The following MTNR1B variants were observed in gnomAD, a reference collection of about 807,000 sequenced individuals.
MTNR1B encodes melatonin receptor type 1B.
In MTNR1B, 7 loss-of-function variants were observed where a neutral mutation model predicts 7.0. The observed-to-expected ratio is 1.00, with a 90% confidence interval of 0.57 to 1.88. The LOEUF (loss-of-function observed/expected upper bound fraction) is 1.88, where lower values mean the gene tolerates loss of function less well. Among genes scored for constraint, MTNR1B ranks in the 40% most tolerant of loss-of-function variants. The pLI, the probability that MTNR1B is intolerant of heterozygous loss-of-function variation, is 0.00. For missense variants in MTNR1B, 478 were observed against 486.5 expected (o/e 0.98, Z 0.16); for synonymous variants, 226 against 208.2 (o/e 1.09, Z -0.74).
chr11:92,969,772 G>GGGCAGTGCGCCCGGGCTGGTCGGGGGCT lies in MTNR1B; in HGVS notation c.53_80dup (p.Arg29ProfsTer57), dbSNP rs780359448. ...GCCAACTGCTGCGAGGCGGGCGGGT[G>GGGCAGTGCGCCCGGGCTGGTCGGGGGCT]GGCAGTGCGCCCGGGCTGGTCGGGG... On this transcript the variant is annotated frameshift_variant, in exon 1 of 2. Transcript: ENST00000257068. LOFTEE classifies it high-confidence loss of function. 1 of 1,534,078 alleles carries GGGCAGTGCGCCCGGGCTGGTCGGGGGCT rather than the reference G, an allele frequency of 6.5e-7. No individual in the cohort carries two copies. Among genetic ancestry groups the GGGCAGTGCGCCCGGGCTGGTCGGGGGCT allele is most frequent in the South Asian group, 1.2e-5 (1 of 82,166 alleles).
chr11:92,972,437 G>C (rs769665765), intron 1 of MTNR1B: 1 of 456,190 alleles, frequency 2.2e-6, no homozygotes, highest in Non-Finnish European at 4.4e-6. Context: ...TGAGTGGTTA[G>C]ATTAATTGTC....
Position 92,982,386 on chromosome 11 carries a change from C to T in MTNR1B, c.*74C>T. 1 of 1,509,226 alleles carries T rather than the reference C, an allele frequency of 6.6e-7. No homozygotes were observed. The highest frequency in any genetic ancestry group is 1.3e-5 in the South Asian group (1 of 75,554). The allele number at this position is 1,509,226 out of a possible 1,614,324, so 93.5% of individuals were successfully genotyped here. Reference sequence around the variant, plus strand: ...GAGAGAGTCTGCTGCAAGGGTGAGACCAGGCAGCCTGCTGGGCCACACTGT... The same window carrying T: ...GAGAGAGTCTGCTGCAAGGGTGAGATCAGGCAGCCTGCTGGGCCACACTGT... On this transcript the variant is annotated 3_prime_UTR_variant, in exon 2 of 2. Coordinates refer to ENST00000257068, the MANE Select transcript of MTNR1B (RefSeq NM_005959.5).
At chr11:92,978,591 G>C (rs1858047308) in intron 1 of MTNR1B, among the ~76,000 whole-genome samples, 1 of 152,172 alleles carries the variant, frequency 6.6e-6, no homozygotes, top group Non-Finnish European at 1.5e-5. Context: ...ATAGGACCTG[G>C]CTTCTTACAG....
At chr11:92,972,740 C>T (rs568382905) in intron 1 of MTNR1B, 2 of 348,962 alleles carry the variant, frequency 5.7e-6, no homozygotes, top group East Asian at 7.4e-5. Context: ...AACTTTCCCT[C>T]CTGGGCTCAC....
chr11:92,977,294 AT>A (rs895471396), intron 1 of MTNR1B, among the ~76,000 whole-genome samples: 1 of 152,176 alleles, frequency 6.6e-6, no homozygotes, highest in African/African-American at 2.4e-5. Context: ...GAAGAAAAAA[AT>A]ATCTGCTCTC....
At chr11:92,976,981 A>C (rs555034445) in intron 1 of MTNR1B, among the ~76,000 whole-genome samples, 2 of 152,324 alleles carry the variant, frequency 1.3e-5, no homozygotes, top group East Asian at 3.9e-4. Context: ...ATGTTATATC[A>C]ATGGTTGTTT....
chr11:92,969,793 CG>C lies in MTNR1B; in HGVS notation c.73del (p.Ala25LeufsTer37). ...GGGTGGGCAGTGCGCCCGGGCTGGT[CG>C]GGGGCTGGCAGCGCGCGGCCCTCCA... is the stretch of plus-strand genomic sequence containing the variant. ...AGGWAVRPGW[S>X]GAGSARPSRT... On this transcript the variant is annotated frameshift_variant, in exon 1 of 2. Coordinates refer to ENST00000257068, the MANE Select transcript of MTNR1B (RefSeq NM_005959.5). LOFTEE classifies it high-confidence loss of function. The C allele has an allele frequency of 1.9e-6, 3 of 1,555,194 alleles. No individual in the cohort carries two copies. The highest frequency in any genetic ancestry group is 2.6e-6 in the Non-Finnish European group (3 of 1,149,834).
intron 1 of MTNR1B, among the ~76,000 whole-genome samples, chr11:92,974,853 T>C (rs913399332): frequency 3.7e-4 from 56 of 151,966 alleles, no homozygotes; most frequent in African/African-American, 8.9e-4. Context: ...CCGCCCGCCT[T>C]GGCCTCCCAA....
chr11:92,981,457 C>T lies in MTNR1B; in HGVS notation c.234C>T (p.Phe78=), dbSNP rs1194504446. The change falls in exon 2 of 2, where the codon TTC becomes TTT. Residue 78 remains phenylalanine, a synonymous_variant. Coordinates refer to ENST00000257068, the MANE Select transcript of MTNR1B (RefSeq NM_005959.5). ...TGTTTGCTGCTTCAGGTAATTTGTTCTTGGTGAGTCTGGCATTGGCTGACC... is the reference window on the plus strand; with the variant it reads ...TGTTTGCTGCTTCAGGTAATTTGTTTTTGGTGAGTCTGGCATTGGCTGACC... The part of the protein sequence containing the change: ...NRKLRNAGNL[F]LVSLALADLV... 3.1e-6 allele frequency: 5 copies of T among 1,612,400 alleles called. No individual in the cohort carries two copies. Among genetic ancestry groups the T allele is most frequent in the African/African-American group, 1.3e-5 (1 of 75,000 alleles).
chr11:92,978,983 G>T (rs1858055594), intron 1 of MTNR1B, among the ~76,000 whole-genome samples: 1 of 152,178 alleles, frequency 6.6e-6, no homozygotes, highest in Admixed American at 6.5e-5. Context: ...TGCCCAGCGG[G>T]TCCTATGGAG....
At chr11:92,984,876 C>T (rs1330480161), downstream of MTNR1B, 2 of 455,990 alleles carry the variant, frequency 4.4e-6, no homozygotes, top group South Asian at 1.6e-5. Context: ...GGACATCAAG[C>T]AATGTACATA....
intron 1 of MTNR1B, among the ~76,000 whole-genome samples, chr11:92,980,116 G>A (rs1858075102): frequency 6.6e-6 from 1 of 152,182 alleles, no homozygotes; most frequent in East Asian, 1.9e-4. Context: ...GTGGCAATGG[G>A]ACAGACACAT....
chr11:92,969,823 C>T lies in MTNR1B; in HGVS notation c.98C>T (p.Thr33Ile), dbSNP rs755959844. 8.8e-6 allele frequency: 14 copies of T among 1,598,926 alleles called. No individual in the cohort carries two copies. Among genetic ancestry groups the T allele is most frequent in the Non-Finnish European group, 1.2e-5 (14 of 1,174,306 alleles). The change falls in exon 1 of 2, where the codon ACC becomes ATC. Residue 33 changes from threonine (T) to isoleucine (I), a missense_variant. By Grantham distance (89) the Thr-to-Ile change is moderately conservative. Transcript: ENST00000257068. The stretch of plus-strand genomic sequence containing the variant: ...GCTGGCAGCGCGCGGCCCTCCAGGA[C>T]CCCTCGACCTCCCTGGGTGGCTCCA... ...SGAGSARPSR[T>I]PRPPWVAPAL...
At chr11:92,976,573 C>T (rs998294058) in intron 1 of MTNR1B, among the ~76,000 whole-genome samples, 2 of 152,172 alleles carry the variant, frequency 1.3e-5, no homozygotes, top group East Asian at 1.9e-4. Context: ...CCTTCCTAAG[C>T]GCCACTCTCT....
intron 1 of MTNR1B, among the ~76,000 whole-genome samples, chr11:92,981,061 TCTC>T (rs897425609): frequency 7.9e-5 from 12 of 152,144 alleles, no homozygotes; most frequent in Non-Finnish European, 1.5e-4. Context: ...ACTTTCAGAC[TCTC>T]CTCCTCCGAA....
chr11:92,974,121 T>C (rs1237590958), intron 1 of MTNR1B, among the ~76,000 whole-genome samples: 1 of 152,234 alleles, frequency 6.6e-6, no homozygotes, highest in African/African-American at 2.4e-5. Flanking sequence ...TACTGATTCC[T>C]CTTGGGGAGT....
chr11:92,972,900 T>C (rs1442039627), intron 1 of MTNR1B, among the ~76,000 whole-genome samples: 1 of 152,214 alleles, frequency 6.6e-6, no homozygotes, highest in Non-Finnish European at 1.5e-5. Flanking sequence ...AAAGACTCTT[T>C]TCTTGACTTC....
At chr11:92,978,736 A>G (rs1387195503) in intron 1 of MTNR1B, among the ~76,000 whole-genome samples, 1 of 152,228 alleles carries the variant, frequency 6.6e-6, no homozygotes, top group East Asian at 1.9e-4. Context: ...CAGCCAGAGT[A>G]ATAGGGGATA....
chr11:92,969,983 G>T, intron 1 of MTNR1B, 35 bp downstream of exon 1: 1 of 1,563,544 alleles, frequency 6.4e-7, no homozygotes, highest in Non-Finnish European at 8.7e-7. Context: ...TGCTGGCATC[G>T]GGCCCTTCCT....
Sources: allele counts gnomAD v4.1 joint callset (sites outside exome capture counted in the v4.1 genomes callset), GRCh38; gene constraint gnomAD v4.1.1; transcripts MANE v1.5; gene names NCBI Gene and HGNC (gene_info 2026-07-23, HGNC 2026-07-21).